The following GRIP1 variants were observed in gnomAD, a reference collection of about 807,000 sequenced individuals.
The protein encoded by GRIP1 is glutamate receptor-interacting protein 1.
In GRIP1, 45 loss-of-function variants were observed where a neutral mutation model predicts 129.9. That is an observed-to-expected ratio of 0.35 (90% CI 0.27 to 0.44). GRIP1 has a LOEUF of 0.44. Among genes scored for constraint, GRIP1 ranks in the 20% least tolerant of loss-of-function variants. The pLI, the probability that GRIP1 is intolerant of heterozygous loss-of-function variation, is 1.00. For missense variants in GRIP1, 1,196 were observed against 1,396.8 expected (o/e 0.86, Z 2.29); for synonymous variants, 530 against 520.8 (o/e 1.02, Z -0.24).
intron 1 of GRIP1, among the ~76,000 whole-genome samples, chr12:66,632,805 A>G (rs1191283225): frequency 2.6e-5 from 4 of 152,184 alleles, no homozygotes; most frequent in African/African-American, 9.7e-5. Context: ...CCACTGCTTA[A>G]GAAAACTGTG....
At chr12:66,454,438 C>T (rs949334504) in intron 11 of GRIP1, among the ~76,000 whole-genome samples, 12 of 152,132 alleles carry the variant, frequency 7.9e-5, no homozygotes, top group African/African-American at 2.4e-4. Flanking sequence ...GGATACATGA[C>T]AAGAAACAGA....
At chr12:66,703,675 G>A (rs1353135925) in intron 1 of GRIP1, among the ~76,000 whole-genome samples, 1 of 152,110 alleles carries the variant, frequency 6.6e-6, no homozygotes, top group Non-Finnish European at 1.5e-5. Context: ...CTGGTGAAGG[G>A]TGGAACACTC....
chr12:66,479,463 A>G (rs576012568), intron 7 of GRIP1, among the ~76,000 whole-genome samples: 17 of 152,216 alleles, frequency 1.1e-4, no homozygotes, highest in Non-Finnish European at 1.8e-4. Context: ...AGGACTGGAC[A>G]GATTCACAGC....
At chr12:66,901,701 C>T (rs561015192) in intron 1 of GRIP1, among the ~76,000 whole-genome samples, 1 of 152,176 alleles carries the variant, frequency 6.6e-6, no homozygotes, top group Non-Finnish European at 1.5e-5. Context: ...ACTTACTGTT[C>T]TGCAAATGAC....
chr12:66,571,742 C>T (rs968958087), intron 2 of GRIP1, among the ~76,000 whole-genome samples: 13 of 152,182 alleles, frequency 8.5e-5, no homozygotes, highest in African/African-American at 3.1e-4. Context: ...CCTTAATACT[C>T]TACTGGGAAA....
At chr12:66,801,694 C>T (rs975731) in intron 1 of GRIP1, among the ~76,000 whole-genome samples, 87,309 of 151,832 alleles carry the variant, frequency 0.58, 25,121 homozygotes, top group East Asian at 0.64. Flanking sequence ...ATTACACATA[C>T]AAAGTTCTTG....
intron 4 of GRIP1, among the ~76,000 whole-genome samples, chr12:66,538,614 T>C (rs1184382220): frequency 6.6e-6 from 1 of 152,078 alleles, no homozygotes; most frequent in Non-Finnish European, 1.5e-5. Context: ...TGTGTGTTTG[T>C]TTTTTTGAGA....
chr12:66,575,333 C>A (rs2139545481), intron 2 of GRIP1, among the ~76,000 whole-genome samples: 1 of 152,200 alleles, frequency 6.6e-6, no homozygotes, highest in East Asian at 1.9e-4. Context: ...GATATATTCC[C>A]AGAAATATTG....
chr12:66,940,395 C>T (rs1053025711), intron 1 of GRIP1, among the ~76,000 whole-genome samples: 1 of 152,140 alleles, frequency 6.6e-6, no homozygotes, highest in African/African-American at 2.4e-5. Context: ...TGATCCCTTT[C>T]CTTTCCTCCA....
At chr12:66,537,158 G>A (rs1383903669) in intron 4 of GRIP1, among the ~76,000 whole-genome samples, 1 of 152,094 alleles carries the variant, frequency 6.6e-6, no homozygotes, top group Non-Finnish European at 1.5e-5. Context: ...TATTCTAAAT[G>A]TTTTCCAAAT....
intron 1 of GRIP1, among the ~76,000 whole-genome samples, chr12:66,689,581 CATG>C (rs937819380): frequency 6.6e-6 from 1 of 152,154 alleles, no homozygotes; most frequent in African/African-American, 2.4e-5. Context: ...AGGTATACAA[CATG>C]ATGATTTAAT....
At chr12:66,523,460 T>G (rs1259366413) in intron 5 of GRIP1, among the ~76,000 whole-genome samples, 2 of 150,248 alleles carry the variant, frequency 1.3e-5, no homozygotes, top group African/African-American at 4.9e-5. Context: ...AATAAAATAC[T>G]TTACAGACAA....
intron 7 of GRIP1, among the ~76,000 whole-genome samples, chr12:66,506,906 G>T (rs1012018439): frequency 6.6e-6 from 1 of 151,758 alleles, no homozygotes; most frequent in Non-Finnish European, 1.5e-5. Flanking sequence ...AACAGAGAAC[G>T]TATAAGAAAA....
chr12:66,466,091 C>A (rs1366720015), intron 7 of GRIP1, among the ~76,000 whole-genome samples: 1 of 152,164 alleles, frequency 6.6e-6, no homozygotes. Context: ...TTATTTTTGG[C>A]TTGGAACACT....
intron 15 of GRIP1, among the ~76,000 whole-genome samples, chr12:66,418,093 T>C (rs1232460601): frequency 6.6e-6 from 1 of 152,022 alleles, no homozygotes; most frequent in Non-Finnish European, 1.5e-5. Flanking sequence ...AACACACATA[T>C]AGACCAATGG....
chr12:67,034,045 C>T (rs1020162843), intron 1 of GRIP1, among the ~76,000 whole-genome samples: 1 of 152,176 alleles, frequency 6.6e-6, no homozygotes, highest in East Asian at 1.9e-4. Flanking sequence ...TTGTAAGACC[C>T]CTCTCAGTAA....
chr12:66,616,788 C>A (rs1353036966), intron 1 of GRIP1, among the ~76,000 whole-genome samples: 1 of 152,120 alleles, frequency 6.6e-6, no homozygotes, highest in Non-Finnish European at 1.5e-5. Flanking sequence ...TCTCTGAGCA[C>A]TGCCTCTCTG....
rs137869722 is a variant in GRIP1, at chr12:66,654,611, T to G, written c.55+24239A>C. 4.8e-4 allele frequency among the ~76,000 whole-genome samples: 73 copies of G among 152,278 alleles called. 2 individuals carry two copies. The highest frequency in any genetic ancestry group is 1.7e-3 in the African/African-American group (70 of 41,560). ...TAAATACCAGGAAGAGAAGTTGAAC[T>G]TGATTTCTAAATAATGGCAGCAGGA... On this transcript the variant is annotated intron_variant, in intron 1 of 24. Transcript: ENST00000359742.
chr12:66,785,532 G>A (rs555703312), intron 1 of GRIP1, among the ~76,000 whole-genome samples: 19 of 151,366 alleles, frequency 1.3e-4, no homozygotes, highest in African/African-American at 4.6e-4. Flanking sequence ...AGGTTGAGGC[G>A]ATGGAAATAT....
Sources: gnomAD v4.1 joint callset for allele counts (sites outside exome capture counted in the v4.1 genomes callset) on GRCh38, gnomAD v4.1.1 for gene constraint, MANE v1.5 for transcripts, NCBI Gene and HGNC (gene_info 2026-07-23, HGNC 2026-07-21) for gene names.